Variants in PPP1R14C observed in about 807,000 individuals in gnomAD.
PPP1R14C encodes the protein protein phosphatase 1 regulatory subunit 14C.
PPP1R14C carries 16 observed loss-of-function variants against 20.4 expected under a neutral mutation model. The ratio of observed to expected loss-of-function variants is 0.78; its 90% CI spans 0.53 to 1.19. The LOEUF (loss-of-function observed/expected upper bound fraction) is 1.19, where lower values mean the gene tolerates loss of function less well. Among genes scored for constraint, PPP1R14C ranks in the 50% most tolerant of loss-of-function variants. PPP1R14C has a pLI of 0.00. For synonymous variants in PPP1R14C, 91 were observed against 91.0 expected, an observed-to-expected ratio of 1.00 and a Z score of 0.00; for missense variants, 211 against 220.1, an observed-to-expected ratio of 0.96 and a Z score of 0.26.
chr6:150,208,328 A>G (rs964610057), intron 1 of PPP1R14C, among the ~76,000 whole-genome samples: 5 of 152,058 alleles, frequency 3.3e-5, no homozygotes, highest in Admixed American at 2.0e-4. Flanking sequence ...TTAATTCTCT[A>G]TCTTCCATGT....
At chr6:150,224,249 C>T (rs923906416) in intron 3 of PPP1R14C, among the ~76,000 whole-genome samples, 1 of 152,214 alleles carries the variant, frequency 6.6e-6, no homozygotes, top group Non-Finnish European at 1.5e-5. Context: ...ATTATTGTGG[C>T]TTCAAGTATG....
At chr6:150,163,382 C>T (rs962286294) in intron 1 of PPP1R14C, among the ~76,000 whole-genome samples, 17 of 152,182 alleles carry the variant, frequency 1.1e-4, no homozygotes, top group Admixed American at 2.0e-4. Flanking sequence ...CAGAGCAAGA[C>T]TCCGTCTCAA....
At position 150,170,317 on chromosome 6, in the gene PPP1R14C, C is replaced by T. The variant is rs570914053; in HGVS notation, c.306+26819C>T. Among the ~76,000 whole-genome samples, 8 of 142,918 alleles carry T rather than the reference C, an allele frequency of 5.6e-5. No homozygotes were observed. The East Asian group carries it at 1.6e-3, about 29-fold the overall frequency. The allele number at this position is 142,918 out of a possible 152,430, so 93.8% of individuals were successfully genotyped here. A position where few individuals can be genotyped will look rare whatever the true frequency, so the allele number is the denominator to read the frequency against. On this transcript the variant is annotated intron_variant, in intron 1 of 3. Coordinates refer to ENST00000361131, the MANE Select transcript of PPP1R14C (RefSeq NM_030949.3). Reference sequence around the variant, plus strand: ...TTACACTTTTGTCATGTGCTAGTTACTTTTTTTTTTTTTTTCTTTTTTTGA... The same window carrying T: ...TTACACTTTTGTCATGTGCTAGTTATTTTTTTTTTTTTTTTCTTTTTTTGA...
At chr6:150,243,843 G>A (rs1778461148) in intron 3 of PPP1R14C, among the ~76,000 whole-genome samples, 1 of 152,150 alleles carries the variant, frequency 6.6e-6, no homozygotes, top group African/African-American at 2.4e-5. Context: ...CAACAGAAAA[G>A]GAATGAACTA....
At chr6:150,168,250 G>C (rs1220343807) in intron 1 of PPP1R14C, among the ~76,000 whole-genome samples, 1 of 136,296 alleles carries the variant, frequency 7.3e-6, no homozygotes, top group South Asian at 2.4e-4. Flanking sequence ...AAAATCCCTT[G>C]ATTCGGCCGG....
intron 1 of PPP1R14C, among the ~76,000 whole-genome samples, chr6:150,202,819 C>CA (rs1413757521): frequency 6.6e-6 from 1 of 152,244 alleles, no homozygotes. Context: ...ACCACCAACA[C>CA]ATTAGTCTTG....
intron 1 of PPP1R14C, among the ~76,000 whole-genome samples, chr6:150,160,328 G>T (rs942801832): frequency 2.2e-5 from 3 of 138,314 alleles, no homozygotes; most frequent in Non-Finnish European, 4.5e-5. Context: ...GCAGTGGCGC[G>T]ATCTCGGCTC....
intron 3 of PPP1R14C, among the ~76,000 whole-genome samples, chr6:150,239,163 G>A (rs1422346535): frequency 6.6e-6 from 1 of 152,316 alleles, no homozygotes; most frequent in South Asian, 2.1e-4. Context: ...TGAATATCCT[G>A]CAACAGGGGA....
At position 150,185,135 on chromosome 6, in the gene PPP1R14C, G is replaced by A. The variant is rs1385022861; in HGVS notation, c.307-29609G>A. On this transcript the variant is annotated intron_variant, in intron 1 of 3. Coordinates refer to ENST00000361131, the MANE Select transcript of PPP1R14C (RefSeq NM_030949.3). The surrounding 1 kb of genome is among the most constrained non-coding windows in gnomAD (Gnocchi z 4.1). ...TGATGTAGTAGCATTCTCACTTCCT[G>A]CTTTTCAGTTTGACTGGGTTGCAAC... 6.6e-6 allele frequency among the ~76,000 whole-genome samples: 1 copy of A among 152,124 alleles called. No homozygotes were observed. Among genetic ancestry groups the A allele is most frequent in the Non-Finnish European group, 1.5e-5 (1 of 68,028 alleles).
At chr6:150,178,434 G>C (rs2114876445) in intron 1 of PPP1R14C, among the ~76,000 whole-genome samples, 1 of 152,360 alleles carries the variant, frequency 6.6e-6, no homozygotes, top group South Asian at 2.1e-4. Flanking sequence ...TGTGATTGGA[G>C]AGGAGGGCGG....
chr6:150,167,243 C>G (rs1453329924), intron 1 of PPP1R14C, among the ~76,000 whole-genome samples: 2 of 152,274 alleles, frequency 1.3e-5, no homozygotes, highest in East Asian at 3.9e-4. Flanking sequence ...TGGCACACAC[C>G]TGTAATCCCA....
At chr6:150,231,117 C>T (rs1285885770) in intron 3 of PPP1R14C, among the ~76,000 whole-genome samples, 1 of 152,180 alleles carries the variant, frequency 6.6e-6, no homozygotes, top group South Asian at 2.1e-4. Flanking sequence ...TGATACCACG[C>T]CCCTGTGACA....
chr6:150,174,994 AT>A (rs1265106731), intron 1 of PPP1R14C, among the ~76,000 whole-genome samples: 1 of 151,584 alleles, frequency 6.6e-6, no homozygotes, highest in Non-Finnish European at 1.5e-5. Flanking sequence ...AGTGAAGAGG[AT>A]GTTTCTTTTT....
At chr6:150,184,565 C>G (rs1777657002) in intron 1 of PPP1R14C, among the ~76,000 whole-genome samples, 1 of 151,908 alleles carries the variant, frequency 6.6e-6, no homozygotes, top group African/African-American at 2.4e-5. Flanking sequence ...TTCATGGCCA[C>G]ATGTTGTGTT....
At chr6:150,163,268 G>A (rs1777390374) in intron 1 of PPP1R14C, among the ~76,000 whole-genome samples, 1 of 152,080 alleles carries the variant, frequency 6.6e-6, no homozygotes, top group South Asian at 2.1e-4. Flanking sequence ...GCGGGCGCCT[G>A]TAGTCCCAGC....
At position 150,143,586 on chromosome 6, in the gene PPP1R14C, C is replaced by A; in HGVS notation, c.306+88C>A. 3.1e-6 allele frequency: 3 copies of A among 966,160 alleles called. No individual in the cohort carries two copies. Among genetic ancestry groups the A allele is most frequent in the African/African-American group, 1.7e-5 (1 of 57,644 alleles). 59.8% of individuals were successfully genotyped at this position (966,160 alleles called of 1,614,324 possible). A position where few individuals can be genotyped will look rare whatever the true frequency, so the allele number is the denominator to read the frequency against. Reference sequence around the variant, plus strand: ...ATTTTCCCGGGCTCCAGCTCCGGGGCGCGCATGTCCCTGACTCCCGGGGAC... The same window carrying A: ...ATTTTCCCGGGCTCCAGCTCCGGGGAGCGCATGTCCCTGACTCCCGGGGAC... On this transcript the variant is annotated intron_variant, in intron 1 of 3. Transcript: ENST00000361131. This position sits in a 1 kb window ranked among gnomAD's most constrained non-coding sequence, Gnocchi z 5.6.
At chr6:150,210,027 G>A (rs1353757060) in intron 1 of PPP1R14C, among the ~76,000 whole-genome samples, 1 of 152,144 alleles carries the variant, frequency 6.6e-6, no homozygotes, top group Non-Finnish European at 1.5e-5. Flanking sequence ...TTGTGTGTGT[G>A]TGTGTGTTGT....
At chr6:150,210,403 C>G (rs1049248523) in intron 1 of PPP1R14C, among the ~76,000 whole-genome samples, 1 of 152,228 alleles carries the variant, frequency 6.6e-6, no homozygotes, top group Non-Finnish European at 1.5e-5. Flanking sequence ...CCTATTATCA[C>G]TATTTTAAAA....
At chr6:150,191,751 A>G (rs1238167598) in intron 1 of PPP1R14C, among the ~76,000 whole-genome samples, 1 of 152,230 alleles carries the variant, frequency 6.6e-6, no homozygotes, top group Non-Finnish European at 1.5e-5. Flanking sequence ...TTAGCATCTC[A>G]GAGAGTATAG....
Sources: gnomAD v4.1 joint callset for allele counts (sites outside exome capture counted in the v4.1 genomes callset) on GRCh38, gnomAD v4.1.1 for gene constraint, Gnocchi (gnomAD v3.1) non-coding constraint, MANE v1.5 for transcripts, NCBI Gene and HGNC (gene_info 2026-07-23, HGNC 2026-07-21) for gene names.